The following GPC6 variants were observed in gnomAD, a reference collection of about 807,000 sequenced individuals.
GPC6 encodes the protein glypican-6.
Under a neutral mutation model 55.2 loss-of-function variants are expected in GPC6, and 14 were observed. The ratio of observed to expected loss-of-function variants is 0.25; its 90% CI spans 0.17 to 0.40. The LOEUF is 0.40. Among genes scored for constraint, GPC6 ranks in the 10% least tolerant of loss-of-function variants. The pLI is 1.00. For synonymous variants in GPC6, 278 were observed against 259.6 expected, an observed-to-expected ratio of 1.07 and a Z score of -0.68; for missense variants, 641 against 708.5, an observed-to-expected ratio of 0.90 and a Z score of 1.08.
At chr13:93,660,567 C>G (rs1235006689) in intron 2 of GPC6, among the ~76,000 whole-genome samples, 1 of 152,134 alleles carries the variant, frequency 6.6e-6, no homozygotes, top group African/African-American at 2.4e-5. Context: ...TAAATTCAAG[C>G]TTTGTCCTTG....
intron 4 of GPC6, among the ~76,000 whole-genome samples, chr13:94,285,054 C>A (rs1475755436): frequency 6.6e-6 from 1 of 151,806 alleles, no homozygotes; most frequent in Non-Finnish European, 1.5e-5. Flanking sequence ...ATGGCATAAA[C>A]CAGATAAGAA....
At chr13:93,505,431 G>GCATACA (rs1555306121) in intron 1 of GPC6, among the ~76,000 whole-genome samples, 5 of 109,918 alleles carry the variant, frequency 4.5e-5, no homozygotes, top group Admixed American at 8.6e-5. Context: ...TCACACACGT[G>GCATACA]CACACACACA....
At chr13:93,469,646 G>C (rs1044007085) in intron 1 of GPC6, among the ~76,000 whole-genome samples, 23 of 152,148 alleles carry the variant, frequency 1.5e-4, no homozygotes, top group Middle Eastern at 6.8e-3. Flanking sequence ...GGCTTTCTGT[G>C]GGTCATGCTT....
chr13:93,328,046 C>T (rs1347270075), intron 1 of GPC6, among the ~76,000 whole-genome samples: 1 of 151,716 alleles, frequency 6.6e-6, no homozygotes, highest in African/African-American at 2.4e-5. Flanking sequence ...TTTTTCCTTC[C>T]AAATGATTAC....
intron 3 of GPC6, among the ~76,000 whole-genome samples, chr13:94,019,403 C>T (rs1300096862): frequency 2.0e-5 from 3 of 152,182 alleles, no homozygotes; most frequent in Non-Finnish European, 2.9e-5. Flanking sequence ...ATAGTTCAGG[C>T]GCTTAGAAGT....
chr13:93,614,490 T>C (rs1455092944), intron 2 of GPC6, among the ~76,000 whole-genome samples: 1 of 152,174 alleles, frequency 6.6e-6, no homozygotes, highest in African/African-American at 2.4e-5. Context: ...GTAGTAATAG[T>C]AACTAGCTCC....
chr13:93,361,030 C>T (rs1470075964), intron 1 of GPC6, among the ~76,000 whole-genome samples: 1 of 152,036 alleles, frequency 6.6e-6, no homozygotes, highest in Admixed American at 6.6e-5. Flanking sequence ...GCAAAACGCA[C>T]CCCTCTCTTG....
intron 2 of GPC6, among the ~76,000 whole-genome samples, chr13:93,629,394 A>G (rs9524149): frequency 0.41 from 62,871 of 151,566 alleles, 14,724 homozygotes; most frequent in Middle Eastern, 0.63. Flanking sequence ...CCATTATTAG[A>G]AAACGGCAAT....
intron 4 of GPC6, among the ~76,000 whole-genome samples, chr13:94,206,561 T>C (rs1478668331): frequency 6.6e-6 from 1 of 152,110 alleles, no homozygotes; most frequent in Non-Finnish European, 1.5e-5. Flanking sequence ...TTCCTAAAAA[T>C]AGCAAATAAG....
chr13:94,154,874 A>G (rs1887873800), intron 4 of GPC6, among the ~76,000 whole-genome samples: 1 of 152,160 alleles, frequency 6.6e-6, no homozygotes, highest in African/African-American at 2.4e-5. Flanking sequence ...TTCTGCACCC[A>G]ATATCATTTT....
chr13:93,455,297 G>T (rs920752841), intron 1 of GPC6, among the ~76,000 whole-genome samples: 1 of 152,206 alleles, frequency 6.6e-6, no homozygotes, highest in African/African-American at 2.4e-5. Context: ...GGGCAGAGGA[G>T]GCGCCCAGAG....
chr13:93,604,347 C>G (rs564156804), intron 2 of GPC6, among the ~76,000 whole-genome samples: 1 of 152,308 alleles, frequency 6.6e-6, no homozygotes, highest in East Asian at 1.9e-4. Context: ...CCAGGGCTTA[C>G]ACTTTCTGAT....
intron 3 of GPC6, among the ~76,000 whole-genome samples, chr13:93,909,903 T>A (rs953888986): frequency 1.2e-4 from 19 of 152,114 alleles, no homozygotes; most frequent in Admixed American, 3.3e-4. Flanking sequence ...GCTCTCAGGT[T>A]CCATCCAATC....
chr13:94,227,800 G>A (rs117959190), intron 4 of GPC6, among the ~76,000 whole-genome samples: 233 of 152,186 alleles, frequency 1.5e-3, no homozygotes, highest in Non-Finnish European at 2.7e-3. Flanking sequence ...AACCCAGGCT[G>A]ATGACGTAGA....
chr13:93,445,826 AT>A (rs1328619005), intron 1 of GPC6, among the ~76,000 whole-genome samples: 1 of 152,212 alleles, frequency 6.6e-6, no homozygotes, highest in Non-Finnish European at 1.5e-5. Flanking sequence ...AATGTCAGGA[AT>A]TTTATTTACT....
At chr13:94,069,786 T>C (rs2138781054) in intron 4 of GPC6, among the ~76,000 whole-genome samples, 1 of 152,300 alleles carries the variant, frequency 6.6e-6, no homozygotes, top group South Asian at 2.1e-4. Flanking sequence ...CTCATCTCCA[T>C]CTGAGACCAC....
chr13:93,754,021 G>C (rs1368703058), intron 2 of GPC6, among the ~76,000 whole-genome samples: 1 of 152,182 alleles, frequency 6.6e-6, no homozygotes, highest in Admixed American at 6.6e-5. Context: ...GTATGTGATA[G>C]AAGGAGCAGA....
At chr13:94,059,094 A>G (rs747462068) in intron 4 of GPC6, among the ~76,000 whole-genome samples, 3 of 151,492 alleles carry the variant, frequency 2.0e-5, no homozygotes, top group Non-Finnish European at 4.4e-5. Flanking sequence ...TTTTTTTTTT[A>G]AGAAGGCAAA....
At chr13:93,719,599 G>A (rs1883378977) in intron 2 of GPC6, among the ~76,000 whole-genome samples, 1 of 151,962 alleles carries the variant, frequency 6.6e-6, no homozygotes. Context: ...TGATTGCCCT[G>A]GCCAGAACTT....
Sources: gnomAD v4.1 joint callset for allele counts (sites outside exome capture counted in the v4.1 genomes callset) on GRCh38, gnomAD v4.1.1 for gene constraint, MANE v1.5 for transcripts, NCBI Gene and HGNC (gene_info 2026-07-23, HGNC 2026-07-21) for gene names.